The following PDSS2 variants were observed in gnomAD, a reference collection of about 807,000 sequenced individuals.
The protein encoded by PDSS2 is all trans-polyprenyl-diphosphate synthase PDSS2.
PDSS2 carries 31 observed loss-of-function variants against 44.5 expected under a neutral mutation model. The observed-to-expected ratio is 0.70, with a 90% CI of 0.52 to 0.94. The LOEUF (loss-of-function observed/expected upper bound fraction) is 0.94. PDSS2 is among the 40% of genes least tolerant of loss of function. The probability of loss-of-function intolerance (pLI) is 0.00; values close to 1 mark genes in which losing one functional copy is unlikely to be tolerated. For synonymous variants in PDSS2, 157 were observed against 180.3 expected, an observed-to-expected ratio of 0.87 and a Z score of 1.03; for missense variants, 452 against 482.2, an observed-to-expected ratio of 0.94 and a Z score of 0.59.
intron 1 of PDSS2, among the ~76,000 whole-genome samples, chr6:107,388,091 A>G (rs1156559382): frequency 6.6e-6 from 1 of 152,184 alleles, no homozygotes; most frequent in Non-Finnish European, 1.5e-5. Flanking sequence ...TCAAAAAACG[A>G]AGAAAAGAAA....
chr6:107,194,324 G>T (rs1772481293), intron 6 of PDSS2, among the ~76,000 whole-genome samples: 1 of 152,028 alleles, frequency 6.6e-6, no homozygotes, highest in Non-Finnish European at 1.5e-5. Flanking sequence ...TGCCTCTTTT[G>T]TTGCCTTTTA....
intron 2 of PDSS2, among the ~76,000 whole-genome samples, chr6:107,306,279 T>C (rs1283203991): frequency 6.6e-6 from 1 of 152,156 alleles, no homozygotes; most frequent in Non-Finnish European, 1.5e-5. Flanking sequence ...TGGGGGCAGG[T>C]CTTTCCCGTG....
chr6:107,394,814 T>A (rs1000028575), intron 1 of PDSS2, among the ~76,000 whole-genome samples: 1 of 152,252 alleles, frequency 6.6e-6, no homozygotes, highest in African/African-American at 2.4e-5. Flanking sequence ...TTTTTTGTTT[T>A]AAATAGTTAA....
intron 1 of PDSS2, among the ~76,000 whole-genome samples, chr6:107,417,429 A>T (rs1780695815): frequency 6.6e-6 from 1 of 152,210 alleles, no homozygotes; most frequent in Admixed American, 6.5e-5. Context: ...TTATAATTTT[A>T]GCTTAGTACA....
chr6:107,188,315 G>GT (rs1554251415), intron 7 of PDSS2, among the ~76,000 whole-genome samples: 1 of 151,828 alleles, frequency 6.6e-6, no homozygotes, highest in Non-Finnish European at 1.5e-5. Flanking sequence ...GGAAGCGGAA[G>GT]TTTCAGTGAG....
At chr6:107,234,391 G>A (rs989961559) in intron 4 of PDSS2, among the ~76,000 whole-genome samples, 4 of 152,036 alleles carry the variant, frequency 2.6e-5, no homozygotes, top group East Asian at 1.9e-4. Context: ...TTTTAGTAGC[G>A]ACGGCGTTTC....
chr6:107,297,407 A>T (rs1387390880), intron 2 of PDSS2, among the ~76,000 whole-genome samples: 1 of 148,082 alleles, frequency 6.8e-6, no homozygotes, highest in Non-Finnish European at 1.5e-5. Flanking sequence ...TTTGAGACGG[A>T]GTCTTGCTCC....
At chr6:107,240,494 G>T (rs1774386531) in intron 4 of PDSS2, among the ~76,000 whole-genome samples, 1 of 150,808 alleles carries the variant, frequency 6.6e-6, no homozygotes, top group Admixed American at 6.6e-5. Flanking sequence ...CACCTCCCAG[G>T]TTCAAGCGAT....
chr6:107,382,618 A>G (rs2114473232), intron 1 of PDSS2, among the ~76,000 whole-genome samples: 1 of 152,286 alleles, frequency 6.6e-6, no homozygotes, highest in South Asian at 2.1e-4. Flanking sequence ...CGGGAGGATC[A>G]CTTGAGCCCA....
intron 1 of PDSS2, among the ~76,000 whole-genome samples, chr6:107,416,985 T>G (rs1273638101): frequency 1.3e-5 from 2 of 152,066 alleles, no homozygotes; most frequent in Admixed American, 6.6e-5. Flanking sequence ...TCCTAGCACT[T>G]TGGGAGGTGG....
intron 7 of PDSS2, among the ~76,000 whole-genome samples, chr6:107,169,551 G>A (rs957919951): frequency 2.6e-5 from 4 of 152,074 alleles, no homozygotes; most frequent in Admixed American, 6.6e-5. Flanking sequence ...GGGGAGAGGC[G>A]CTCTGATTTT....
At chr6:107,361,228 G>A (rs968294968) in intron 1 of PDSS2, among the ~76,000 whole-genome samples, 7 of 152,112 alleles carry the variant, frequency 4.6e-5, no homozygotes, top group African/African-American at 1.7e-4. Context: ...TCAGGTTCTT[G>A]TGGTATTTCT....
chr6:107,182,073 A>G lies in PDSS2; in HGVS notation c.1041+11749T>C, dbSNP rs1211589709. ...TGTGGGATTGCTAACACCTCAGAGA[A>G]CAAGAATCTAATTTTAAAATAACAT... On this transcript the variant is annotated intron_variant, in intron 7 of 7. Transcript: ENST00000369037. Among the ~76,000 whole-genome samples, 3 of 152,188 alleles carry G rather than the reference A, an allele frequency of 2.0e-5. No homozygotes were observed. In the East Asian group the frequency reaches 5.8e-4, roughly 29 times the overall value.
intron 7 of PDSS2, among the ~76,000 whole-genome samples, chr6:107,161,915 G>A (rs1182539601): frequency 6.6e-6 from 1 of 152,150 alleles, no homozygotes; most frequent in Non-Finnish European, 1.5e-5. Context: ...GTAAACCGCC[G>A]ATAGTGATAT....
chr6:107,379,741 T>A (rs1779399108), intron 1 of PDSS2, among the ~76,000 whole-genome samples: 1 of 152,170 alleles, frequency 6.6e-6, no homozygotes, highest in Non-Finnish European at 1.5e-5. Flanking sequence ...TTTATTCATG[T>A]CTTTGTTTTT....
chr6:107,387,770 A>C (rs947455505), intron 1 of PDSS2, among the ~76,000 whole-genome samples: 2 of 152,248 alleles, frequency 1.3e-5, no homozygotes, highest in African/African-American at 4.8e-5. Context: ...AAACTGTATT[A>C]GAAGTTGCAA....
chr6:107,455,470 T>C (rs1782006671), intron 1 of PDSS2, among the ~76,000 whole-genome samples: 1 of 151,728 alleles, frequency 6.6e-6, no homozygotes, highest in Admixed American at 6.6e-5. Context: ...AACTAAGAAA[T>C]CTGGGCCAGG....
intron 2 of PDSS2, among the ~76,000 whole-genome samples, chr6:107,302,450 T>C (rs1383653049): frequency 1.3e-5 from 2 of 151,876 alleles, no homozygotes; most frequent in African/African-American, 4.8e-5. Flanking sequence ...ATTTTTTTTA[T>C]AGAGATGAGG....
chr6:107,364,701 T>TG (rs914593739), intron 1 of PDSS2, among the ~76,000 whole-genome samples: 27 of 151,320 alleles, frequency 1.8e-4, no homozygotes, highest in African/African-American at 3.9e-4. Context: ...CACAGTGCAG[T>TG]GGGGGGGCTG....
Sources: gnomAD v4.1 joint callset for allele counts (sites outside exome capture counted in the v4.1 genomes callset) on GRCh38, gnomAD v4.1.1 for gene constraint, MANE v1.5 for transcripts, NCBI Gene and HGNC (gene_info 2026-07-23, HGNC 2026-07-21) for gene names.